SLC2A7: variants seen among roughly 807,000 people sequenced by gnomAD.
The protein encoded by SLC2A7 is solute carrier family 2 member 7.
In SLC2A7, 50 loss-of-function variants were observed where a neutral mutation model predicts 50.5. The observed-to-expected ratio is 0.99, with a 90% CI of 0.79 to 1.25. The LOEUF (loss-of-function observed/expected upper bound fraction) is 1.25, where lower values mean the gene tolerates loss of function less well. SLC2A7 is among the 50% of genes most tolerant of loss of function. SLC2A7 has a pLI of 0.00. For synonymous variants in SLC2A7, 308 were observed against 300.4 expected (o/e 1.03, Z -0.26); for missense variants, 683 against 679.1 (o/e 1.01, Z -0.06).
Position 9,023,028 on chromosome 1 carries a change from G to T in SLC2A7, c.201C>A (p.Phe67Leu), listed in dbSNP as rs1474339370. 1 of 1,614,092 alleles carries T rather than the reference G, an allele frequency of 6.2e-7. No individual in the cohort carries two copies. The stretch of plus-strand genomic sequence containing the variant: ...GAAGCAGCATGAGCTTCCCGTCCAT[G>T]AATGTTGCGTGTCGCTCAAAGTAGG... Reference protein sequence around the residue: ...NETYFERHATFMDGKLMLLLW... With the variant: ...NETYFERHATLMDGKLMLLLW... The change falls in exon 3 of 12, where the codon TTC becomes TTA. Residue 67 changes from phenylalanine to leucine, a missense_variant. Coordinates refer to ENST00000400906, the MANE Select transcript of SLC2A7 (RefSeq NM_207420.3).
At position 9,008,021 on chromosome 1, in the gene SLC2A7, G is replaced by A. The variant is rs1347565961; in HGVS notation, c.1117-636C>T. 6.6e-6 allele frequency among the ~76,000 whole-genome samples: 1 copy of A among 152,118 alleles called. No homozygotes were observed. The highest frequency in any genetic ancestry group is 1.5e-5 in the Non-Finnish European group (1 of 68,022). ...GGCTGAAGTCACCCAGTCAACATGAGTGAGCTGAGGTCCGGACTTTCTCTA... is the reference window on the plus strand; with the variant it reads ...GGCTGAAGTCACCCAGTCAACATGAATGAGCTGAGGTCCGGACTTTCTCTA... On this transcript the variant is annotated intron_variant, in intron 9 of 11. Coordinates refer to ENST00000400906, the MANE Select transcript of SLC2A7 (RefSeq NM_207420.3). The surrounding 1 kb of genome is among the most constrained non-coding windows in gnomAD (Gnocchi z 5.9).
chr1:9,014,077 C>A (rs577574265), intron 7 of SLC2A7, among the ~76,000 whole-genome samples: 1 of 152,336 alleles, frequency 6.6e-6, no homozygotes, highest in East Asian at 1.9e-4. Flanking sequence ...TGCTATTCCA[C>A]ATCTGGTGGC....
At chr1:9,000,745 G>GGTGTGTGTGTGTGTGT (rs56985979), downstream of SLC2A7, among the ~76,000 whole-genome samples, 418 of 142,182 alleles carry the variant, frequency 2.9e-3, 4 homozygotes, top group African/African-American at 0.011. Context: ...TGACTTTCCT[G>GGTGTGTGTGTGTGTGT]GTGTGTGTGT....
the SLC2A7 span, among the ~76,000 whole-genome samples, chr1:8,996,002 A>C: frequency 2.6e-4 from 39 of 152,300 alleles, no homozygotes; most frequent in African/African-American, 8.4e-4. Flanking sequence ...TCCCAGGCTC[A>C]AGTGATCTGC....
At chr1:9,009,333 T>A (rs1640706812) in intron 9 of SLC2A7, among the ~76,000 whole-genome samples, 1 of 152,214 alleles carries the variant, frequency 6.6e-6, no homozygotes, top group African/African-American at 2.4e-5. Context: ...CACCACGTAT[T>A]TTCATCACTT....
rs563784708 is a variant in SLC2A7, at chr1:9,022,946, C to G, written c.283G>C (p.Val95Leu). The G allele has an allele frequency of 6.2e-7, 1 of 1,614,056 alleles. No individual in the cohort carries two copies. The highest frequency in any genetic ancestry group is 1.3e-5 in the African/African-American group (1 of 75,034). The change falls in exon 3 of 12, where the codon GTG (valine) becomes CTG (leucine). Residue 95 changes from valine (V) to leucine (L), a missense_variant. Transcript: ENST00000400906. ...CCGCAGCTATCAACCAGCAGGCCCA[C>G]GAGCAATGACCCCAACAGGCCGCCC... Reference protein sequence around the residue: ...PLGGLLGSLLVGLLVDSCGRK... With the variant: ...PLGGLLGSLLLGLLVDSCGRK...
chr1:9,003,734 T>G (rs1292639503), intron 11 of SLC2A7, among the ~76,000 whole-genome samples: 2 of 152,160 alleles, frequency 1.3e-5, no homozygotes, highest in Admixed American at 1.3e-4. Context: ...GGTGTACACC[T>G]GTAATCCCAG....
chr1:9,023,218 C>G, intron 2 of SLC2A7, 140 bp from the exon 3 acceptor site: 1 of 747,994 alleles, frequency 1.3e-6, no homozygotes. Context: ...CCCACTGATT[C>G]CCTACTATTA....
At chr1:9,019,926 A>AAAAAAG (rs769415570) in intron 3 of SLC2A7, among the ~76,000 whole-genome samples, 9 of 152,170 alleles carry the variant, frequency 5.9e-5, no homozygotes, top group Admixed American at 3.3e-4. Context: ...TCCAACTCAA[A>AAAAAAG]AAAAAGAAAA....
the SLC2A7 span, among the ~76,000 whole-genome samples, chr1:8,996,570 T>C: frequency 6.6e-6 from 1 of 152,220 alleles, no homozygotes; most frequent in Non-Finnish European, 1.5e-5. Flanking sequence ...ATGTGGTAGA[T>C]GTACATTTAA....
At position 9,010,212 on chromosome 1, in the gene SLC2A7, G is replaced by A; in HGVS notation, c.1047C>T (p.His349=). 6.4e-7 allele frequency: 1 copy of A among 1,551,398 alleles called. No individual in the cohort carries two copies. Among genetic ancestry groups the A allele is most frequent in the Non-Finnish European group, 8.7e-7 (1 of 1,147,060 alleles). ...AVLVERLGRR[H]LLLAGYGICG... is the part of the protein sequence containing the mutation. ...AGATGCCGTAGCCGGCCAGCAGGAG[G>A]TGCCGCCGTCCCAGCCGCTCCACAA... Residue 349 remains histidine, a synonymous_variant, in exon 9 of 12, where the codon CAC becomes CAT. Transcript: ENST00000400906.
At chr1:8,994,682 G>A in the SLC2A7 span, among the ~76,000 whole-genome samples, 6 of 152,174 alleles carry the variant, frequency 3.9e-5, no homozygotes, top group Non-Finnish European at 1.5e-5. Context: ...AAATCCCAGA[G>A]ACATTTAGGG....
At chr1:9,007,741 CTTTT>C (rs34900242) in intron 9 of SLC2A7, among the ~76,000 whole-genome samples, 2 of 140,198 alleles carry the variant, frequency 1.4e-5, no homozygotes, top group Non-Finnish European at 1.6e-5. Flanking sequence ...ACGATTCTTT[CTTTT>C]TTTTTTTTTT....
In SLC2A7 at chr1:9,004,717, C is replaced by A. The variant is rs776116922; in HGVS notation, c.1320+35G>T. On this transcript the variant is annotated intron_variant, in intron 11 of 11. Coordinates refer to ENST00000400906, the MANE Select transcript of SLC2A7 (RefSeq NM_207420.3). ...GAATACATCTTACTCCCTGGAGGCC[C>A]GGTGGAGCGGGTTGGGGAAGGGGCC... 1.9e-6 allele frequency: 3 copies of A among 1,612,214 alleles called. No homozygotes were observed. In the Admixed American group the frequency reaches 5.0e-5, roughly 27 times the overall value.
In SLC2A7 at chr1:9,019,213, A is replaced by G; in HGVS notation, c.432T>C (p.Cys144=). ...CGGAGCCTGGGCCCCAGGTACCTGCACAGACTCCCAGCACCACTCGGGAAA... is the reference window on the plus strand; with the variant it reads ...CGGAGCCTGGGCCCCAGGTACCTGCGCAGACTCCCAGCACCACTCGGGAAA... ...IVFSRVVLGV[C]AGISYSALPM... Residue 144 remains cysteine (C), a synonymous_variant, in exon 4 of 12, where the codon TGT becomes TGC. Transcript: ENST00000400906. The G allele has an allele frequency of 6.2e-7, 1 of 1,613,832 alleles. No individual in the cohort carries two copies. The highest frequency in any genetic ancestry group is 8.5e-7 in the Non-Finnish European group (1 of 1,179,852).
chr1:9,004,972 AC>A, intron 10 of SLC2A7, 93 bp from the exon 11 acceptor site: 1 of 1,412,272 alleles, frequency 7.1e-7, no homozygotes, highest in Non-Finnish European at 9.5e-7. Context: ...CTGACCTAGG[AC>A]CCTCAAGAGT....
In SLC2A7 at chr1:9,008,119, G is replaced by A. The variant is rs1030358236; in HGVS notation, c.1117-734C>T. Among the ~76,000 whole-genome samples the A allele has an allele frequency of 2.0e-5, 3 of 152,000 alleles. No homozygotes were observed. The highest frequency in any genetic ancestry group is 2.1e-4 in the South Asian group (1 of 4,804). On this transcript the variant is annotated intron_variant, in intron 9 of 11. Transcript: ENST00000400906. This position sits in a 1 kb window ranked among gnomAD's most constrained non-coding sequence, Gnocchi z 5.9. ...ACCACCATCTCTGCTCCCAACTGCC[G>A]AGAGAACAGCCAATGCAAAACCGGG...
chr1:9,026,080 C>T (rs532088385), intron 1 of SLC2A7, among the ~76,000 whole-genome samples: 1 of 152,350 alleles, frequency 6.6e-6, no homozygotes, highest in South Asian at 2.1e-4. Context: ...TCCGCTCTCC[C>T]AGCATTCGCT....
chr1:8,996,812 G>A, the SLC2A7 span, among the ~76,000 whole-genome samples: 28 of 151,338 alleles, frequency 1.9e-4, no homozygotes, highest in Admixed American at 1.4e-3. Flanking sequence ...ATGGAGTTTC[G>A]CTCTTGTTGC....
Sources: allele counts gnomAD v4.1 joint callset (sites outside exome capture counted in the v4.1 genomes callset), GRCh38; gene constraint gnomAD v4.1.1; non-coding constraint Gnocchi (gnomAD v3.1); transcripts MANE v1.5; gene names NCBI Gene and HGNC (gene_info 2026-07-23, HGNC 2026-07-21).